Variants in FAR2 observed in about 807,000 individuals in gnomAD.
FAR2 encodes the protein epididymis secretory protein Li 81.
A neutral mutation model predicts 56.0 loss-of-function variants in FAR2; 19 were observed. The observed-to-expected ratio is 0.34, with a 90% CI of 0.24 to 0.50. FAR2 has a LOEUF of 0.50. Ranked by LOEUF, FAR2 falls within the 20% of genes least tolerant of loss-of-function variation. FAR2 has a pLI of 0.98. For missense variants in FAR2, 508 were observed against 642.2 expected (o/e 0.79, Z 2.26); for synonymous variants, 219 against 218.8 (o/e 1.00, Z -0.01).
intron 1 of FAR2, among the ~76,000 whole-genome samples, chr12:29,220,593 A>G (rs1357015101): frequency 1.3e-5 from 2 of 152,154 alleles, no homozygotes; most frequent in Non-Finnish European, 2.9e-5. Flanking sequence ...TATGATATTT[A>G]GTGTAAATGC....
In FAR2 at chr12:29,297,024, T is replaced by C. The variant is rs1302290970; in HGVS notation, c.369T>C (p.His123=). The C allele has an allele frequency of 5.0e-6, 8 of 1,604,944 alleles. No individual in the cohort carries two copies. Among genetic ancestry groups the C allele is most frequent in the African/African-American group, 1.3e-5 (1 of 74,496 alleles). The change falls in exon 4 of 12, where the codon CAT becomes CAC. Residue 123 remains histidine, a synonymous_variant. Transcript: ENST00000536681. ...ATVRFDDTLR[H]AVQLNVTATR... ...CCTTCTGCTTAATCTTCTCTAGACATGCTGTGCAACTTAACGTCACTGCCA... is the reference window on the plus strand; with the variant it reads ...CCTTCTGCTTAATCTTCTCTAGACACGCTGTGCAACTTAACGTCACTGCCA...
At chr12:29,323,245 C>A (rs2136816064) in intron 10 of FAR2, among the ~76,000 whole-genome samples, 1 of 152,342 alleles carries the variant, frequency 6.6e-6, no homozygotes, top group East Asian at 1.9e-4. Flanking sequence ...AACAAAGCGG[C>A]CTGGAAGCTC....
chr12:29,291,716 C>G (rs1053720933), intron 2 of FAR2, among the ~76,000 whole-genome samples: 1 of 152,186 alleles, frequency 6.6e-6, no homozygotes, highest in Admixed American at 6.6e-5. Flanking sequence ...AACCACTGAC[C>G]TGTTGGATTC....
chr12:29,209,751 C>A (rs913427578), intron 1 of FAR2, among the ~76,000 whole-genome samples: 1 of 150,700 alleles, frequency 6.6e-6, no homozygotes, highest in Non-Finnish European at 1.5e-5. Flanking sequence ...TAAAAGAATG[C>A]GTAAAAGAAA....
intron 1 of FAR2, among the ~76,000 whole-genome samples, chr12:29,268,857 G>T (rs969485885): frequency 6.6e-6 from 1 of 152,060 alleles, no homozygotes; most frequent in Non-Finnish European, 1.5e-5. Context: ...CCCACAAGCC[G>T]CAAAAACCAG....
chr12:29,170,451 A>G (rs1404744896), intron 1 of FAR2, among the ~76,000 whole-genome samples: 1 of 152,264 alleles, frequency 6.6e-6, no homozygotes, highest in Non-Finnish European at 1.5e-5. Context: ...GTGGTACTGG[A>G]GTACCACGGA....
intron 1 of FAR2, among the ~76,000 whole-genome samples, chr12:29,198,939 G>A (rs1221060801): frequency 2.6e-5 from 4 of 152,072 alleles, no homozygotes; most frequent in Non-Finnish European, 5.9e-5. Context: ...TGTGTGCCAG[G>A]TGCTAGGCAA....
chr12:29,225,941 C>T (rs898736072), intron 1 of FAR2, among the ~76,000 whole-genome samples: 3 of 152,202 alleles, frequency 2.0e-5, no homozygotes, highest in Non-Finnish European at 4.4e-5. Context: ...TAGTTTCTTA[C>T]AGGAAAGGAG....
intron 1 of FAR2, 85 bp downstream of exon 1, chr12:29,149,492 G>C (rs528005978): frequency 6.6e-6 from 1 of 152,458 alleles, no homozygotes; most frequent in South Asian, 2.1e-4. Context: ...CCAGGAGGGA[G>C]GGCTCGGCTG....
chr12:29,313,040 T>A (rs1949379918), intron 8 of FAR2, among the ~76,000 whole-genome samples: 1 of 152,156 alleles, frequency 6.6e-6, no homozygotes, highest in Non-Finnish European at 1.5e-5. Flanking sequence ...TAGATTCCCA[T>A]CTAATATAGC....
chr12:29,154,987 G>A (rs1949715041), intron 1 of FAR2, among the ~76,000 whole-genome samples: 1 of 152,128 alleles, frequency 6.6e-6, no homozygotes, highest in Non-Finnish European at 1.5e-5. Flanking sequence ...CTACTTAGTT[G>A]GTGGAAAGCG....
At chr12:29,249,420 T>C (rs1948175165) in intron 1 of FAR2, among the ~76,000 whole-genome samples, 1 of 152,238 alleles carries the variant, frequency 6.6e-6, no homozygotes, top group Non-Finnish European at 1.5e-5. Flanking sequence ...TTCAACATCA[T>C]TAAATAGCCA....
intron 9 of FAR2, among the ~76,000 whole-genome samples, chr12:29,320,887 G>A (rs1949539954): frequency 6.6e-6 from 1 of 152,182 alleles, no homozygotes; most frequent in South Asian, 2.1e-4. Context: ...ACACAGGGTA[G>A]TGAGATTACA....
At chr12:29,202,454 C>T (rs1168698232) in intron 1 of FAR2, among the ~76,000 whole-genome samples, 4 of 152,110 alleles carry the variant, frequency 2.6e-5, no homozygotes, top group Admixed American at 1.3e-4. Flanking sequence ...CTTTTAAGAA[C>T]GTACTGATAG....
chr12:29,284,544 G>A (rs535131540), intron 2 of FAR2, among the ~76,000 whole-genome samples: 3 of 152,128 alleles, frequency 2.0e-5, no homozygotes, highest in Non-Finnish European at 2.9e-5. Flanking sequence ...ATACAGTAGA[G>A]AACTCTGGGT....
chr12:29,321,978 G>C, intron 10 of FAR2, 54 bp downstream of exon 10: 1 of 1,548,058 alleles, frequency 6.5e-7, no homozygotes, highest in Non-Finnish European at 8.7e-7. Context: ...TTGGAATTTA[G>C]AATTATTTGA....
Position 29,334,174 on chromosome 12 carries a change from A to G in FAR2, c.*380A>G, listed in dbSNP as rs117938618. The G allele has an allele frequency of 0.036, 5,704 of 159,754 alleles. 150 individuals carry two copies. Among genetic ancestry groups the G allele is most frequent in the Non-Finnish European group, 0.049 (3,615 of 73,112 alleles). 9.9% of individuals were successfully genotyped at this position (159,754 alleles called of 1,614,324 possible). A position where few individuals can be genotyped will look rare whatever the true frequency, so the allele number is the denominator to read the frequency against. On this transcript the variant is annotated 3_prime_UTR_variant, in exon 12 of 12. Transcript: ENST00000536681. ...AGAAGCTGAAATGAGCTCAAGCAGTACTAACCTTGGAACCATTCTGGGTAC... is the reference window on the plus strand; with the variant it reads ...AGAAGCTGAAATGAGCTCAAGCAGTGCTAACCTTGGAACCATTCTGGGTAC...
chr12:29,271,292 A>G (rs1017874686), intron 2 of FAR2, among the ~76,000 whole-genome samples: 1 of 152,216 alleles, frequency 6.6e-6, no homozygotes, highest in African/African-American at 2.4e-5. Flanking sequence ...ATTTCAAGGC[A>G]GTATAACCTT....
intron 3 of FAR2, among the ~76,000 whole-genome samples, chr12:29,296,639 C>G (rs1949077187): frequency 6.6e-6 from 1 of 152,150 alleles, no homozygotes; most frequent in Admixed American, 6.5e-5. Flanking sequence ...TGTTGCTCCC[C>G]TCCAGTTTAT....
Sources: allele counts gnomAD v4.1 joint callset (sites outside exome capture counted in the v4.1 genomes callset), GRCh38; gene constraint gnomAD v4.1.1; transcripts MANE v1.5; gene names NCBI Gene and HGNC (gene_info 2026-07-23, HGNC 2026-07-21).